The following TLN1 variants were observed in gnomAD, a reference collection of about 807,000 sequenced individuals.
The protein encoded by TLN1 is talin-1.
Under a neutral mutation model 292.3 loss-of-function variants are expected in TLN1, and 56 were observed. That is an observed-to-expected ratio of 0.19 (90% CI 0.15 to 0.24). The LOEUF is 0.24. Among genes scored for constraint, TLN1 ranks in the 10% least tolerant of loss-of-function variants. The pLI, the probability that TLN1 is intolerant of heterozygous loss-of-function variation, is 1.00. For synonymous variants in TLN1, 1,119 were observed against 1,253.7 expected, an observed-to-expected ratio of 0.89 and a Z score of 2.27; for missense variants, 2,433 against 3,248.2, an observed-to-expected ratio of 0.75 and a Z score of 6.10.
intron 20 of TLN1, among the ~76,000 whole-genome samples, chr9:35,716,021 T>C (rs1010739196): frequency 5.3e-5 from 8 of 152,078 alleles, no homozygotes; most frequent in Non-Finnish European, 8.8e-5. Context: ...TATTGAAATG[T>C]CACTATGTAC....
At chr9:35,722,818 A>G (rs1237208537) in intron 8 of TLN1, 43 bp downstream of exon 8, 15 of 1,601,024 alleles carry the variant, frequency 9.4e-6, no homozygotes, top group Non-Finnish European at 1.2e-5. Flanking sequence ...TAAGCAGCAA[A>G]GCTCCGCGGT....
rs758760333 is a variant in TLN1 at position 35,714,328 on chromosome 9, T to C, written c.3031A>G (p.Ile1011Val). Residue 1011 changes from isoleucine (I) to valine (V), a missense_variant, in exon 24 of 57, where the codon ATT (isoleucine) becomes GTT (valine). Ile to Val is a conservative substitution (Grantham distance 29, BLOSUM62 3). Transcript: ENST00000314888. The surrounding 1 kb of genome is among the most constrained non-coding windows in gnomAD (Gnocchi z 4.6). ...TGCATGGCTGAAGCCTGGTCCTGAA[T>C]CGTTGGCACTGAGGCCTTTGCAGCT... is the stretch of plus-strand genomic sequence containing the variant. ...VAAAKASVPT[I>V]QDQASAMQLS... The C allele has an allele frequency of 1.5e-5, 25 of 1,613,720 alleles. No individual in the cohort carries two copies. The highest frequency in any genetic ancestry group is 6.6e-5 in the South Asian group (6 of 91,086).
chr9:35,723,803 G>T, intron 7 of TLN1, 149 bp downstream of exon 7: 1 of 1,166,208 alleles, frequency 8.6e-7, no homozygotes, highest in East Asian at 2.4e-5. Flanking sequence ...ATGGATGATG[G>T]CAACTAAAAG....
Position 35,716,536 on chromosome 9 carries a change from G to T in TLN1, c.2479C>A (p.Arg827Ser). The change falls in exon 20 of 57, where the codon CGC (arginine) becomes AGC (serine). Residue 827 changes from arginine (R) to serine (S), a missense_variant. Arg to Ser is a moderately radical substitution (Grantham distance 110). This residue lies in a region of TLN1 where 617 missense variants were observed against 770.6 expected (regional missense o/e 0.80). Transcript: ENST00000314888. ...TCAGATGTGGCTTGGGCCAGGATGC[G>T]GGCCTGTCGCACCATCTCCCCTGAG... The part of the protein sequence containing the change: ...GDAGEMVRQA[R>S]ILAQATSDLV... The T allele has an allele frequency of 6.2e-7, 1 of 1,614,080 alleles. No homozygotes were observed. Among genetic ancestry groups the T allele is most frequent in the East Asian group, 2.2e-5 (1 of 44,886 alleles).
In TLN1 at chr9:35,722,143, G is replaced by A. The variant is rs781204087; in HGVS notation, c.924C>T (p.Tyr308=). The change falls in exon 9 of 57, where the codon TAC becomes TAT. Residue 308 remains tyrosine (Y), a synonymous_variant. Coordinates refer to ENST00000314888, the MANE Select transcript of TLN1 (RefSeq NM_006289.4). ...CCTTCACCAGGAAGAAGGAGACACCGTAAGTCTTGAGAGAACGGGCTAGCT... is the reference window on the plus strand; with the variant it reads ...CCTTCACCAGGAAGAAGGAGACACCATAAGTCTTGAGAGAACGGGCTAGCT... ...YVKLARSLKT[Y]GVSFFLVKEK... The A allele has an allele frequency of 9.3e-6, 15 of 1,614,046 alleles. No homozygotes were observed. The Admixed American group carries it at 1.2e-4, about 13-fold the overall frequency.
rs768037985 is a variant in TLN1 at position 35,704,787 on chromosome 9, T to C, written c.5762A>G (p.Gln1921Arg). The C allele has an allele frequency of 1.9e-6, 3 of 1,614,020 alleles. No homozygotes were observed. The Admixed American group carries it at 5.0e-5, about 27-fold the overall frequency. Residue 1921 changes from glutamine (Q) to arginine (R), a missense_variant, in exon 44 of 57, where the codon CAG (glutamine) becomes CGG (arginine). Transcript: ENST00000314888. The surrounding 1 kb of genome is among the most constrained non-coding windows in gnomAD (Gnocchi z 6.9). ...AGCGGCACAGCCATGGCCCAGCTCC[T>C]GTACCCGGTGTTTGATATGGGAACC... ...EIGSHIKHRV[Q>R]ELGHGCAALV...
chr9:35,712,249 T>C, intron 27 of TLN1, 125 bp from the exon 28 acceptor site: 1 of 1,311,938 alleles, frequency 7.6e-7, no homozygotes, highest in South Asian at 1.5e-5. Context: ...GGGGGCGTTG[T>C]AGGTGAACAG....
intron 1 of TLN1, among the ~76,000 whole-genome samples, chr9:35,728,794 G>A (rs1285671668): frequency 6.6e-6 from 1 of 152,168 alleles, no homozygotes; most frequent in East Asian, 1.9e-4. Context: ...GCCAGCTGTG[G>A]GGAAGACCCT....
Position 35,714,805 on chromosome 9 carries a change from G to A in TLN1, c.2826C>T (p.Pro942=), listed in dbSNP as rs770982102. The A allele has an allele frequency of 8.9e-6, 14 of 1,579,994 alleles. No individual in the cohort carries two copies. In the South Asian group the frequency reaches 1.2e-4, roughly 13 times the overall value. The change falls in exon 22 of 57, where the codon CCC becomes CCT. Residue 942 remains proline, a synonymous_variant. Transcript: ENST00000314888. The surrounding 1 kb of genome is among the most constrained non-coding windows in gnomAD (Gnocchi z 4.6). ...IAAAQHAAST[P]KASAGPQPLL... ...GGGGCTGGGGGCCGGCAGAGGCCTT[G>A]GGGGTAGAGGCTGCGTGCTGAGCTG...
chr9:35,712,244 C>T (rs1168642938), intron 27 of TLN1, 120 bp from the exon 28 acceptor site: 8 of 1,341,462 alleles, frequency 6.0e-6, no homozygotes, highest in African/African-American at 5.9e-5. Flanking sequence ...AGAAAGGGGG[C>T]GTTGTAGGTG....
Position 35,707,663 on chromosome 9 carries a change from T to C in TLN1, c.4632+68A>G. ...GGATTTGGTAGAAGGCTTCAGAGAATAACTGGGGGACTCGGGGGAGAAGAT... is the reference window on the plus strand; with the variant it reads ...GGATTTGGTAGAAGGCTTCAGAGAACAACTGGGGGACTCGGGGGAGAAGAT... On this transcript the variant is annotated intron_variant, in intron 35 of 56. Coordinates refer to ENST00000314888, the MANE Select transcript of TLN1 (RefSeq NM_006289.4). This position sits in a 1 kb window ranked among gnomAD's most constrained non-coding sequence, Gnocchi z 5.6. 2 of 1,605,720 alleles carry C rather than the reference T, an allele frequency of 1.2e-6. No individual in the cohort carries two copies. Among genetic ancestry groups the C allele is most frequent in the Non-Finnish European group, 1.7e-6 (2 of 1,174,064 alleles).
intron 33 of TLN1, 94 bp downstream of exon 33, chr9:35,710,467 A>C (rs1251899028): frequency 6.6e-7 from 1 of 1,512,762 alleles, no homozygotes; most frequent in Non-Finnish European, 8.8e-7. Flanking sequence ...TTGCAAACAT[A>C]AACTTCTTGA....
At chr9:35,701,855 G>A (rs548308726) in intron 48 of TLN1, among the ~76,000 whole-genome samples, 11 of 152,312 alleles carry the variant, frequency 7.2e-5, no homozygotes, top group Middle Eastern at 3.4e-3. Flanking sequence ...ACTAAGAGGT[G>A]CCATTTACTG....
chr9:35,715,021 A>C (rs371425826), intron 21 of TLN1, 38 bp downstream of exon 21: 6 of 1,612,358 alleles, frequency 3.7e-6, no homozygotes, highest in Non-Finnish European at 5.1e-6. Context: ...CACAGCACCC[A>C]CACTCTCTCT....
chr9:35,705,539 C>A lies in TLN1; in HGVS notation c.5733+12G>T. 1 of 1,565,414 alleles carries A rather than the reference C, an allele frequency of 6.4e-7. No homozygotes were observed. Among genetic ancestry groups the A allele is most frequent in the South Asian group, 1.2e-5 (1 of 83,816 alleles). The stretch of plus-strand genomic sequence containing the variant: ...GGGGCAGGGGGCAGGGCAGAGTTGC[C>A]TCCACGTTTACCTCTTCATTTTCAG... On this transcript the variant is annotated intron_variant, in intron 43 of 56. Transcript: ENST00000314888.
rs560016928 is a variant in TLN1 at position 35,719,406 on chromosome 9, C to G, written c.1687+113G>C. The G allele has an allele frequency of 7.8e-5, 104 of 1,341,046 alleles. 1 individual carries two copies. In the South Asian group the frequency reaches 1.2e-3, roughly 16 times the overall value. 83.1% of individuals were successfully genotyped at this position (1,341,046 alleles called of 1,614,324 possible). A position where few individuals can be genotyped will look rare whatever the true frequency, so the allele number is the denominator to read the frequency against. On this transcript the variant is annotated intron_variant, in intron 15 of 56. Transcript: ENST00000314888. The surrounding 1 kb of genome is among the most constrained non-coding windows in gnomAD (Gnocchi z 4.6). Reference sequence around the variant, plus strand: ...CCACAGAAAGACGCACACACACAGTCCCTTCCACAGTGAGTCAAGGCACAG... The same window carrying G: ...CCACAGAAAGACGCACACACACAGTGCCTTCCACAGTGAGTCAAGGCACAG...
rs752530521 is a variant in TLN1 at position 35,720,110 on chromosome 9, C to G, written c.1393G>C (p.Val465Leu). ...SGASGPENFQVGSMPPAQQQI... is the reference protein window; with the variant it reads ...SGASGPENFQLGSMPPAQQQI... ...TGCTGGGCAGGGGGCATGCTGCCCA[C>G]CTGGAAATTCTCAGGACCAGAGGCT... Residue 465 changes from valine to leucine, a missense_variant, in exon 13 of 57, where the codon GTG (valine) becomes CTG (leucine). By Grantham distance (32) the Val-to-Leu change is conservative. Transcript: ENST00000314888. 6.2e-7 allele frequency: 1 copy of G among 1,612,252 alleles called. No individual in the cohort carries two copies. Among genetic ancestry groups the G allele is most frequent in the Non-Finnish European group, 8.5e-7 (1 of 1,179,162 alleles).
intron 34 of TLN1, 124 bp from the exon 35 acceptor site, chr9:35,708,016 A>G (rs1262040668): frequency 2.4e-5 from 28 of 1,165,466 alleles, no homozygotes; most frequent in Non-Finnish European, 3.3e-5. Context: ...GGAATAACAG[A>G]GTCACCTGAA....
In TLN1 at chr9:35,720,850, G is replaced by A; in HGVS notation, c.1168C>T (p.Gln390Ter). The A allele has an allele frequency of 6.2e-7, 1 of 1,614,168 alleles. No individual in the cohort carries two copies. Among genetic ancestry groups the A allele is most frequent in the Non-Finnish European group, 8.5e-7 (1 of 1,180,024 alleles). The stretch of plus-strand genomic sequence containing the variant: ...ATATCGATGTAGCCGGCAATGAGCT[G>A]TGCAATCTGCTCCCCTTCAGTTGTC... ...VQTTEGEQIA[Q>*]LIAGYIDIIL... Residue 390 changes from glutamine to a stop codon, truncating the protein, a stop_gained, in exon 11 of 57, where the codon CAG becomes TAG. Transcript: ENST00000314888. LOFTEE classifies it high-confidence loss of function.
Sources: gnomAD v4.1 joint callset for allele counts (sites outside exome capture counted in the v4.1 genomes callset) on GRCh38, gnomAD v4.1.1 for gene constraint, gnomAD v4.1.1 regional missense constraint, Gnocchi (gnomAD v3.1) non-coding constraint, MANE v1.5 for transcripts, NCBI Gene and HGNC (gene_info 2026-07-23, HGNC 2026-07-21) for gene names.